SLC24A3: variants seen among roughly 807,000 people sequenced by gnomAD.
SLC24A3 encodes solute carrier family 24 member 3, also known as sodium/potassium/calcium exchanger 3.
SLC24A3 carries 28 observed loss-of-function variants against 75.8 expected under a neutral mutation model. The observed-to-expected ratio is 0.37, with a 90% CI of 0.27 to 0.51. The LOEUF (loss-of-function observed/expected upper bound fraction) is 0.51, where lower values mean the gene tolerates loss of function less well. Ranked by LOEUF, SLC24A3 falls within the 20% of genes least tolerant of loss-of-function variation. SLC24A3 has a pLI of 0.94. For synonymous variants in SLC24A3, 372 were observed against 334.1 expected, an observed-to-expected ratio of 1.11 and a Z score of -1.24; for missense variants, 663 against 847.8, an observed-to-expected ratio of 0.78 and a Z score of 2.71.
intron 2 of SLC24A3, among the ~76,000 whole-genome samples, chr20:19,305,461 G>A (rs1272686215): frequency 6.6e-6 from 1 of 151,904 alleles, no homozygotes; most frequent in Non-Finnish European, 1.5e-5. Flanking sequence ...GAGGGTAGAG[G>A]TGGGGTGCTG....
intron 2 of SLC24A3, among the ~76,000 whole-genome samples, chr20:19,451,040 G>A (rs1250320427): frequency 1.3e-5 from 2 of 152,114 alleles, no homozygotes; most frequent in Admixed American, 6.5e-5. Context: ...ACTACTTCTG[G>A]GGTTTTGTTA....
chr20:19,434,095 A>G (rs568502313), intron 2 of SLC24A3, among the ~76,000 whole-genome samples: 1 of 152,358 alleles, frequency 6.6e-6, no homozygotes, highest in African/African-American at 2.4e-5. Context: ...AATACAGGAA[A>G]TGAAAGACGT....
At chr20:19,333,391 G>A (rs1353749613) in intron 2 of SLC24A3, among the ~76,000 whole-genome samples, 3 of 152,182 alleles carry the variant, frequency 2.0e-5, no homozygotes, top group Non-Finnish European at 4.4e-5. Context: ...ATTCTGGTGG[G>A]AGCTTCAGTG....
chr20:19,563,964 T>C (rs537641703), intron 3 of SLC24A3, among the ~76,000 whole-genome samples: 12 of 152,348 alleles, frequency 7.9e-5, no homozygotes, highest in African/African-American at 2.6e-4. Flanking sequence ...CTCTATCATC[T>C]TGTAGACAGT....
chr20:19,717,572 C>G lies in SLC24A3; in HGVS notation c.1764C>G (p.Leu588=). 6.2e-7 allele frequency: 1 copy of G among 1,614,160 alleles called. No individual in the cohort carries two copies. Among genetic ancestry groups the G allele is most frequent in the Non-Finnish European group, 8.5e-7 (1 of 1,180,014 alleles). ...SRGLIYSVGL[L]LASVFVTVFG... is the part of the protein sequence containing the mutation. ...GGCTGATCTACTCCGTAGGCTTGCT[C>G]CTGGCCTCTGTTTTTGTCACGGTAG... The change falls in exon 16 of 17, where the codon CTC becomes CTG. Residue 588 remains leucine, a synonymous_variant. Coordinates refer to ENST00000328041, the MANE Select transcript of SLC24A3 (RefSeq NM_020689.4).
At chr20:19,552,258 C>G (rs1174891840) in intron 3 of SLC24A3, among the ~76,000 whole-genome samples, 1 of 152,204 alleles carries the variant, frequency 6.6e-6, no homozygotes, top group African/African-American at 2.4e-5. Flanking sequence ...GGCAAAAGGG[C>G]TCTGAACAAC....
chr20:19,389,588 C>G (rs1986332718), intron 2 of SLC24A3, among the ~76,000 whole-genome samples: 1 of 151,926 alleles, frequency 6.6e-6, no homozygotes, highest in Non-Finnish European at 1.5e-5. Flanking sequence ...GGTGAGAAAT[C>G]TTCTGATAGT....
chr20:19,564,674 C>T (rs2030927772), intron 3 of SLC24A3, among the ~76,000 whole-genome samples: 1 of 152,140 alleles, frequency 6.6e-6, no homozygotes, highest in South Asian at 2.1e-4. Context: ...TCTGTTTGTG[C>T]TCCCTCATAC....
At chr20:19,510,333 G>A (rs1012295794) in intron 2 of SLC24A3, among the ~76,000 whole-genome samples, 6 of 152,306 alleles carry the variant, frequency 3.9e-5, no homozygotes, top group Admixed American at 2.0e-4. Context: ...AGTTTATCCT[G>A]ATGTTATGCT....
chr20:19,410,130 A>G (rs1986718211), intron 2 of SLC24A3, among the ~76,000 whole-genome samples: 1 of 152,190 alleles, frequency 6.6e-6, no homozygotes, highest in Admixed American at 6.5e-5. Context: ...CATTAGCTAG[A>G]AAAACGTTGG....
At chr20:19,510,833 C>T (rs868465266) in intron 2 of SLC24A3, among the ~76,000 whole-genome samples, 13 of 152,190 alleles carry the variant, frequency 8.5e-5, no homozygotes, top group Non-Finnish European at 1.0e-4. Flanking sequence ...CCCAAGTCTA[C>T]GGTATTCTGT....
chr20:19,436,899 G>T (rs920733834), intron 2 of SLC24A3, among the ~76,000 whole-genome samples: 1 of 152,176 alleles, frequency 6.6e-6, no homozygotes, highest in Non-Finnish European at 1.5e-5. Flanking sequence ...CAGGGGATTG[G>T]GGTCACATCA....
intron 3 of SLC24A3, among the ~76,000 whole-genome samples, chr20:19,525,656 C>G (rs1233126139): frequency 2.0e-5 from 3 of 152,142 alleles, no homozygotes; most frequent in Non-Finnish European, 4.4e-5. Flanking sequence ...AAAGCCCTCA[C>G]ACAAATGGAC....
At chr20:19,296,862 C>T (rs1984073205) in intron 2 of SLC24A3, among the ~76,000 whole-genome samples, 1 of 152,158 alleles carries the variant, frequency 6.6e-6, no homozygotes, top group Non-Finnish European at 1.5e-5. Context: ...CACTTCTCAG[C>T]AAATGGAAGA....
At chr20:19,245,821 T>C (rs1356687348) in intron 1 of SLC24A3, among the ~76,000 whole-genome samples, 1 of 151,952 alleles carries the variant, frequency 6.6e-6, no homozygotes, top group African/African-American at 2.4e-5. Flanking sequence ...TCTCAACATG[T>C]CAAAAAAAAA....
intron 2 of SLC24A3, among the ~76,000 whole-genome samples, chr20:19,356,040 T>A (rs1325337846): frequency 6.6e-6 from 1 of 152,154 alleles, no homozygotes; most frequent in East Asian, 1.9e-4. Context: ...TTAAGAACCC[T>A]TGGAATTAGG....
intron 1 of SLC24A3, among the ~76,000 whole-genome samples, chr20:19,226,006 G>A (rs1476678404): frequency 6.6e-6 from 1 of 152,124 alleles, no homozygotes; most frequent in Non-Finnish European, 1.5e-5. Flanking sequence ...CCTGATATTA[G>A]GGGGAAAACG....
At chr20:19,479,357 G>C (rs191928109) in intron 2 of SLC24A3, among the ~76,000 whole-genome samples, 1 of 152,200 alleles carries the variant, frequency 6.6e-6, no homozygotes, top group Admixed American at 6.5e-5. Context: ...CTGTATTTAC[G>C]AGTGAAACTT....
intron 2 of SLC24A3, among the ~76,000 whole-genome samples, chr20:19,465,811 C>A (rs1330371860): frequency 6.6e-6 from 1 of 152,170 alleles, no homozygotes; most frequent in Non-Finnish European, 1.5e-5. Flanking sequence ...GTGCTTCTAC[C>A]ACTGGAAGCA....
Sources: allele counts gnomAD v4.1 joint callset (sites outside exome capture counted in the v4.1 genomes callset), GRCh38; gene constraint gnomAD v4.1.1; transcripts MANE v1.5; gene names NCBI Gene and HGNC (gene_info 2026-07-23, HGNC 2026-07-21).